SLCO3A1: variants seen among roughly 807,000 people sequenced by gnomAD.
SLCO3A1 encodes the protein PGE1 transporter.
Under a neutral mutation model 63.1 loss-of-function variants are expected in SLCO3A1, and 27 were observed. That is an observed-to-expected ratio of 0.43 (90% CI 0.32 to 0.59). The LOEUF (loss-of-function observed/expected upper bound fraction) is 0.59. Among genes scored for constraint, SLCO3A1 ranks in the 20% least tolerant of loss-of-function variants. The pLI, the probability that SLCO3A1 is intolerant of heterozygous loss-of-function variation, is 0.09. For synonymous variants in SLCO3A1, 473 were observed against 409.9 expected (o/e 1.15, Z -1.86); for missense variants, 773 against 945.8 (o/e 0.82, Z 2.40).
rs1301869403 is a variant in SLCO3A1, at chr15:92,133,356, A to G, written c.1512+4867A>G. 2.7e-5 allele frequency among the ~76,000 whole-genome samples: 4 copies of G among 146,258 alleles called. 1 individual carries two copies. The highest frequency in any genetic ancestry group is 6.1e-5 in the Non-Finnish European group (4 of 65,252). Reference sequence around the variant, plus strand: ...TCTCTTTTTTCTTCTCACCATGACCATATTTGCCCACTATAAAAACCAACT... The same window carrying G: ...TCTCTTTTTTCTTCTCACCATGACCGTATTTGCCCACTATAAAAACCAACT... On this transcript the variant is annotated intron_variant, in intron 7 of 9. Transcript: ENST00000318445.
intron 1 of SLCO3A1, among the ~76,000 whole-genome samples, chr15:91,881,114 C>G (rs888868917): frequency 6.6e-6 from 1 of 152,126 alleles, no homozygotes; most frequent in Non-Finnish European, 1.5e-5. Flanking sequence ...GAGAAGGTAC[C>G]TTTTCTGCAG....
At chr15:92,083,562 A>G (rs1165158721) in intron 2 of SLCO3A1, among the ~76,000 whole-genome samples, 1 of 152,328 alleles carries the variant, frequency 6.6e-6, no homozygotes, top group East Asian at 1.9e-4. Flanking sequence ...ATTGCAATAG[A>G]TAATTGTATT....
rs1898052732 is a variant in SLCO3A1, at chr15:91,898,061, G to A, written c.181-17932G>A. 3.3e-5 allele frequency among the ~76,000 whole-genome samples: 5 copies of A among 152,296 alleles called. No homozygotes were observed. The South Asian group carries it at 1.0e-3, about 32-fold the overall frequency. ...ACGGTTTTCTAAGTGTGAAGTTGGA[G>A]CTAGTGTGACCCAGTTAACATTATA... On this transcript the variant is annotated intron_variant, in intron 1 of 9. Coordinates refer to ENST00000318445, the MANE Select transcript of SLCO3A1 (RefSeq NM_013272.4).
intron 2 of SLCO3A1, among the ~76,000 whole-genome samples, chr15:92,051,442 A>T (rs554230195): frequency 1.3e-5 from 2 of 152,298 alleles, no homozygotes; most frequent in South Asian, 4.1e-4. Flanking sequence ...TCATCAGTGC[A>T]CAGGGAGGGA....
At chr15:92,138,321 T>A (rs1201586377) in intron 7 of SLCO3A1, among the ~76,000 whole-genome samples, 2 of 83,356 alleles carry the variant, frequency 2.4e-5, no homozygotes, top group Admixed American at 2.7e-4. Context: ...TCTGTTCTGT[T>A]CCATTGATCT....
chr15:92,090,753 G>C (rs976965770), intron 2 of SLCO3A1, among the ~76,000 whole-genome samples: 1 of 152,220 alleles, frequency 6.6e-6, no homozygotes, highest in African/African-American at 2.4e-5. Context: ...TGGGAACCCA[G>C]GTGGGTGCCA....
chr15:91,971,894 C>G (rs1900889890), intron 2 of SLCO3A1, among the ~76,000 whole-genome samples: 1 of 152,068 alleles, frequency 6.6e-6, no homozygotes. Context: ...GTTTGAGTAT[C>G]CCTGATCAGA....
intron 2 of SLCO3A1, among the ~76,000 whole-genome samples, chr15:91,924,029 C>T (rs1371383722): frequency 2.6e-5 from 4 of 152,160 alleles, no homozygotes; most frequent in Non-Finnish European, 1.5e-5. Flanking sequence ...AAAGCCAGCC[C>T]CCTGGCCCTG....
At chr15:92,002,268 G>A (rs1025820374) in intron 2 of SLCO3A1, among the ~76,000 whole-genome samples, 2 of 152,106 alleles carry the variant, frequency 1.3e-5, no homozygotes, top group African/African-American at 4.8e-5. Context: ...AGCAGCCAGG[G>A]CCCTGTTCCA....
In SLCO3A1 at chr15:92,120,505, G is replaced by A. The variant is rs142919366; in HGVS notation, c.1050G>A (p.Val350=). Residue 350 remains valine, a synonymous_variant, in exon 5 of 10, where the codon GTG becomes GTA. Transcript: ENST00000318445. ...CCAAGCACCTGCTCTCAAACCCTGT[G>A]TTCACCTGCATCATCCTGGCCGCCT... ...KVTKHLLSNP[V]FTCIILAACM... is the part of the protein sequence containing the mutation. The A allele has an allele frequency of 6.2e-7, 1 of 1,614,150 alleles. No homozygotes were observed. The highest frequency in any genetic ancestry group is 1.3e-5 in the African/African-American group (1 of 75,054).
intron 2 of SLCO3A1, among the ~76,000 whole-genome samples, chr15:91,953,621 G>A (rs1900072013): frequency 6.6e-6 from 1 of 152,206 alleles, no homozygotes; most frequent in South Asian, 2.1e-4. Flanking sequence ...TGGTATGATG[G>A]AGGCAGTTGG....
In SLCO3A1 at chr15:91,862,301, G is replaced by A. The variant is rs762941117; in HGVS notation, c.180+8213G>A. The stretch of plus-strand genomic sequence containing the variant: ...CCCCAGTAGCTGGGACTACAGGCGC[G>A]TACCACCACTCGGCTAATTTTTTGT... On this transcript the variant is annotated intron_variant, in intron 1 of 9. Coordinates refer to ENST00000318445, the MANE Select transcript of SLCO3A1 (RefSeq NM_013272.4). The surrounding 1 kb of genome is among the most constrained non-coding windows in gnomAD (Gnocchi z 4.0). Among the ~76,000 whole-genome samples, 28 of 151,874 alleles carry A rather than the reference G, an allele frequency of 1.8e-4. No individual in the cohort carries two copies. Among genetic ancestry groups the A allele is most frequent in the Non-Finnish European group, 3.5e-4 (24 of 67,976 alleles).
At chr15:91,992,970 A>C (rs188506987) in intron 2 of SLCO3A1, among the ~76,000 whole-genome samples, 2 of 152,196 alleles carry the variant, frequency 1.3e-5, no homozygotes, top group Non-Finnish European at 2.9e-5. Context: ...ACAAGAGTCT[A>C]AGGAACCTTG....
chr15:91,869,114 C>G (rs982769862), intron 1 of SLCO3A1, among the ~76,000 whole-genome samples: 1 of 152,162 alleles, frequency 6.6e-6, no homozygotes, highest in Non-Finnish European at 1.5e-5. Flanking sequence ...TAAGAATCCA[C>G]TGGGAGCCGG....
At chr15:92,024,895 A>G (rs911226841) in intron 2 of SLCO3A1, among the ~76,000 whole-genome samples, 1 of 151,980 alleles carries the variant, frequency 6.6e-6, no homozygotes, top group Admixed American at 6.5e-5. Context: ...CCATCCGTCT[A>G]CCTACCCATC....
chr15:91,991,840 T>A (rs141360297), intron 2 of SLCO3A1, among the ~76,000 whole-genome samples: 1 of 152,230 alleles, frequency 6.6e-6, no homozygotes, highest in East Asian at 1.9e-4. Flanking sequence ...CATGCACATA[T>A]AATGAAGTGG....
chr15:92,163,171 C>G lies in SLCO3A1; in HGVS notation c.*36C>G. ...AGGGCTGAACTCTGTATTAGTAATC[C>G]AAGGGTCATTTTTTTCTTAAAAAAA... On this transcript the variant is annotated 3_prime_UTR_variant, in exon 10 of 10. Transcript: ENST00000318445. 7.0e-7 allele frequency: 1 copy of G among 1,428,554 alleles called. No individual in the cohort carries two copies. Among genetic ancestry groups the G allele is most frequent in the Non-Finnish European group, 9.1e-7 (1 of 1,092,924 alleles). 88.5% of individuals were successfully genotyped at this position (1,428,554 alleles called of 1,614,324 possible).
chr15:92,064,310 TG>T (rs1240739832), intron 2 of SLCO3A1, among the ~76,000 whole-genome samples: 11 of 152,244 alleles, frequency 7.2e-5, no homozygotes, highest in South Asian at 6.2e-4. Context: ...GCTGTTGAGT[TG>T]GTTGAGTTCT....
At chr15:92,083,059 T>C (rs1463632234) in intron 2 of SLCO3A1, among the ~76,000 whole-genome samples, 1 of 152,228 alleles carries the variant, frequency 6.6e-6, no homozygotes, top group Non-Finnish European at 1.5e-5. Flanking sequence ...CTCTGGATGG[T>C]AGGAAAACTG....
Sources: gnomAD v4.1 joint callset for allele counts (sites outside exome capture counted in the v4.1 genomes callset) on GRCh38, gnomAD v4.1.1 for gene constraint, Gnocchi (gnomAD v3.1) non-coding constraint, MANE v1.5 for transcripts, NCBI Gene and HGNC (gene_info 2026-07-23, HGNC 2026-07-21) for gene names.